Variants in RARB observed in about 807,000 individuals in gnomAD.
RARB encodes the protein retinoic acid receptor beta.
A neutral mutation model predicts 51.9 loss-of-function variants in RARB; 17 were observed. The observed-to-expected ratio is 0.33, with a 90% confidence interval of 0.22 to 0.49. The LOEUF is 0.49. Among genes scored for constraint, RARB ranks in the 20% least tolerant of loss-of-function variants. The pLI, the probability that RARB is intolerant of heterozygous loss-of-function variation, is 0.99. For missense variants in RARB, 369 were observed against 550.8 expected, an observed-to-expected ratio of 0.67 and a Z score of 3.30; for synonymous variants, 215 against 195.4, an observed-to-expected ratio of 1.10 and a Z score of -0.84.
chr3:24,902,053 A>G (rs1389459770), intron 2 of RARB, among the ~76,000 whole-genome samples: 5 of 151,860 alleles, frequency 3.3e-5, no homozygotes, highest in African/African-American at 4.8e-5. Flanking sequence ...ATAAGGAAAG[A>G]ACAGCAAAGA....
chr3:25,026,978 T>G (rs1697762924), intron 2 of RARB, among the ~76,000 whole-genome samples: 1 of 115,110 alleles, frequency 8.7e-6, no homozygotes, highest in South Asian at 3.1e-4. Flanking sequence ...ATTGTAAGTT[T>G]ATAGAATTTA....
chr3:24,980,562 G>A (rs986646534), intron 2 of RARB, among the ~76,000 whole-genome samples: 2 of 151,228 alleles, frequency 1.3e-5, no homozygotes, highest in East Asian at 3.9e-4. Flanking sequence ...GAATCGGCTT[G>A]TGAAGCTTGT....
chr3:24,958,255 G>GT (rs71057692), intron 2 of RARB, among the ~76,000 whole-genome samples: 5,430 of 68,936 alleles, frequency 0.079, 1,010 homozygotes, highest in Non-Finnish European at 0.093. Context: ...AGCTGCTCAG[G>GT]TTTTTTTTTT....
intron 2 of RARB, among the ~76,000 whole-genome samples, chr3:25,035,133 G>A (rs1334488885): frequency 1.3e-5 from 2 of 151,904 alleles, no homozygotes; most frequent in East Asian, 1.9e-4. Flanking sequence ...TTTTTTGTTT[G>A]TTATTTGAGA....
intron 2 of RARB, among the ~76,000 whole-genome samples, chr3:25,482,638 C>CA (rs1322473593): frequency 1.5e-5 from 2 of 135,216 alleles, no homozygotes; most frequent in African/African-American, 5.4e-5. Flanking sequence ...CTCCCAGGTT[C>CA]AGGTGATTCT....
At chr3:25,357,706 G>A (rs572687742) in intron 5 of RARB, among the ~76,000 whole-genome samples, 81 of 152,244 alleles carry the variant, frequency 5.3e-4, no homozygotes, top group African/African-American at 1.9e-3. Context: ...TAAGGAAGGG[G>A]TGCAGTTTCA....
intron 3 of RARB, among the ~76,000 whole-genome samples, chr3:25,536,975 C>T (rs747208856): frequency 2.6e-5 from 4 of 152,172 alleles, no homozygotes; most frequent in Admixed American, 6.5e-5. Flanking sequence ...GAGTAACAGA[C>T]GAAATTCCCA....
chr3:25,564,303 T>A (rs778708222), intron 3 of RARB, among the ~76,000 whole-genome samples: 2 of 152,226 alleles, frequency 1.3e-5, no homozygotes, highest in African/African-American at 2.4e-5. Flanking sequence ...AAATCTGATT[T>A]GTAGCACTTA....
At chr3:25,052,406 A>C (rs1184027711) in intron 2 of RARB, among the ~76,000 whole-genome samples, 1 of 152,212 alleles carries the variant, frequency 6.6e-6, no homozygotes, top group Non-Finnish European at 1.5e-5. Flanking sequence ...CACCAAAGTA[A>C]ATTTGAATTG....
chr3:24,910,064 A>C (rs1007676334), intron 2 of RARB, among the ~76,000 whole-genome samples: 2 of 152,216 alleles, frequency 1.3e-5, no homozygotes, highest in Non-Finnish European at 2.9e-5. Flanking sequence ...TTTAATTCTC[A>C]TAGCAACCAC....
At chr3:25,052,893 A>T (rs1698365946) in intron 2 of RARB, among the ~76,000 whole-genome samples, 4 of 152,138 alleles carry the variant, frequency 2.6e-5, no homozygotes. Context: ...CATAGAAAAA[A>T]AAAAAAGATT....
chr3:24,960,313 CT>C (rs5847330), intron 2 of RARB, among the ~76,000 whole-genome samples: 136,787 of 152,292 alleles, frequency 0.9, 61,713 homozygotes, highest in African/African-American at 0.97. Context: ...GTACTACCTG[CT>C]TAAAGTAAGT....
At position 25,231,525 on chromosome 3, in the gene RARB, G is replaced by T. The variant is rs1385380203; in HGVS notation, c.178+56950G>T. On this transcript the variant is annotated intron_variant, in intron 5 of 11. Transcript: ENST00000383772. Reference sequence around the variant, plus strand: ...GAGATCTTTTAGGTTACTCCTCTAAGAAGTTAAGCTACATCAATGACTATC... The same window carrying T: ...GAGATCTTTTAGGTTACTCCTCTAATAAGTTAAGCTACATCAATGACTATC... 2.0e-5 allele frequency among the ~76,000 whole-genome samples: 3 copies of T among 152,142 alleles called. No homozygotes were observed. The East Asian group carries it at 5.8e-4, about 29-fold the overall frequency.
intron 5 of RARB, among the ~76,000 whole-genome samples, chr3:25,203,538 A>G (rs1165628171): frequency 6.6e-6 from 1 of 152,114 alleles, no homozygotes; most frequent in African/African-American, 2.4e-5. Flanking sequence ...GATGGTCTTT[A>G]CAATTCGGCA....
chr3:25,428,431 A>T lies in RARB; in HGVS notation c.-301A>T. The T allele has an allele frequency of 7.9e-7, 1 of 1,271,422 alleles. No homozygotes were observed. The highest frequency in any genetic ancestry group is 9.9e-7 in the Non-Finnish European group (1 of 1,010,702). 78.8% of individuals were successfully genotyped at this position (1,271,422 alleles called of 1,614,324 possible). ...ACCGTCGGGGTAGGATCCGGAACGC[A>T]TTCGGAAGGCTTTTTGCAAGCATTT... On this transcript the variant is annotated 5_prime_UTR_variant, in exon 1 of 8. Coordinates refer to ENST00000330688, the MANE Select transcript of RARB (RefSeq NM_000965.5).
At chr3:25,496,115 G>A (rs144399620) in intron 2 of RARB, among the ~76,000 whole-genome samples, 15 of 152,208 alleles carry the variant, frequency 9.9e-5, no homozygotes, top group African/African-American at 2.4e-4. Flanking sequence ...AATCCAAGAC[G>A]GTTACTATGG....
intron 2 of RARB, among the ~76,000 whole-genome samples, chr3:24,958,256 T>TTTTGTTTTG (rs1491521409): frequency 2.5e-4 from 6 of 24,060 alleles, no homozygotes; most frequent in Admixed American, 1.0e-3. Flanking sequence ...GCTGCTCAGG[T>TTTTGTTTTG]TTTTTTTTTT....
chr3:25,099,293 T>C (rs1379115807), intron 3 of RARB, among the ~76,000 whole-genome samples: 1 of 152,148 alleles, frequency 6.6e-6, no homozygotes, highest in Non-Finnish European at 1.5e-5. Context: ...CATCCTTGTT[T>C]CAGAGGAGAC....
chr3:25,590,767 G>A lies in RARB; in HGVS notation c.787-2736G>A, dbSNP rs1320151850. Among the ~76,000 whole-genome samples the A allele has an allele frequency of 2.0e-5, 3 of 152,164 alleles. No homozygotes were observed. In the East Asian group the frequency reaches 5.8e-4, roughly 29 times the overall value. On this transcript the variant is annotated intron_variant, in intron 5 of 7. Transcript: ENST00000330688. ...GTTCCTGACTGCAGATGATCTATCCGCCTTGCCCTCCCAAAGTGCTAACTT... is the reference window on the plus strand; with the variant it reads ...GTTCCTGACTGCAGATGATCTATCCACCTTGCCCTCCCAAAGTGCTAACTT...
Sources: allele counts gnomAD v4.1 joint callset (sites outside exome capture counted in the v4.1 genomes callset), GRCh38; gene constraint gnomAD v4.1.1; transcripts MANE v1.5; gene names NCBI Gene and HGNC (gene_info 2026-07-23, HGNC 2026-07-21).